The following GRID2 variants were observed in gnomAD, a reference collection of about 807,000 sequenced individuals.
The protein encoded by GRID2 is glutamate receptor ionotropic, delta-2.
Under a neutral mutation model 114.8 loss-of-function variants are expected in GRID2, and 33 were observed. The ratio of observed to expected loss-of-function variants is 0.29; its 90% CI spans 0.22 to 0.38. The LOEUF (loss-of-function observed/expected upper bound fraction) is 0.38. Ranked by LOEUF, GRID2 falls within the 10% of genes least tolerant of loss-of-function variation. The pLI is 1.00. For synonymous variants in GRID2, 505 were observed against 449.9 expected, an observed-to-expected ratio of 1.12 and a Z score of -1.55; for missense variants, 1,184 against 1,257.7, an observed-to-expected ratio of 0.94 and a Z score of 0.89.
At chr4:92,513,579 C>A (rs1367368973) in intron 1 of GRID2, among the ~76,000 whole-genome samples, 1 of 151,788 alleles carries the variant, frequency 6.6e-6, no homozygotes, top group East Asian at 1.9e-4. Flanking sequence ...AATATCATAG[C>A]ACAATGTAGC....
chr4:92,617,041 ATT>A (rs1730035524), intron 2 of GRID2, among the ~76,000 whole-genome samples: 1 of 151,382 alleles, frequency 6.6e-6, no homozygotes, highest in Non-Finnish European at 1.5e-5. Flanking sequence ...TCAAAACTTT[ATT>A]ATTTGTTTAT....
intron 8 of GRID2, among the ~76,000 whole-genome samples, chr4:93,303,175 A>C (rs1169780936): frequency 6.6e-6 from 1 of 152,094 alleles, no homozygotes; most frequent in Non-Finnish European, 1.5e-5. Context: ...GCAAGGGAGA[A>C]ATCCACCCCT....
chr4:93,038,441 A>C (rs1725137651), intron 2 of GRID2, among the ~76,000 whole-genome samples: 1 of 152,172 alleles, frequency 6.6e-6, no homozygotes, highest in Non-Finnish European at 1.5e-5. Flanking sequence ...GAGAAAAGCA[A>C]ATCAAAACCA....
At chr4:92,868,374 T>G (rs1166677443) in intron 2 of GRID2, among the ~76,000 whole-genome samples, 2 of 152,056 alleles carry the variant, frequency 1.3e-5, no homozygotes, top group Non-Finnish European at 2.9e-5. Flanking sequence ...TATTAAGCCT[T>G]AGGAGATTTG....
intron 2 of GRID2, chr4:92,702,793 A>G (rs2149302599): frequency 6.6e-6 from 1 of 152,204 alleles, no homozygotes; most frequent in East Asian, 1.9e-4. Context: ...TATTATAGGT[A>G]GGTCACTAGC....
At chr4:92,357,202 A>G (rs1728370487) in intron 1 of GRID2, among the ~76,000 whole-genome samples, 1 of 151,886 alleles carries the variant, frequency 6.6e-6, no homozygotes, top group African/African-American at 2.4e-5. Flanking sequence ...GTAAATGGTA[A>G]GTGCCTGGGA....
chr4:93,645,764 C>T (rs1722053996), intron 14 of GRID2, among the ~76,000 whole-genome samples: 2 of 152,220 alleles, frequency 1.3e-5, no homozygotes, highest in East Asian at 3.9e-4. Context: ...TTTTATCTTC[C>T]CTGTACCACT....
chr4:93,555,941 T>C (rs1734277229), intron 13 of GRID2, among the ~76,000 whole-genome samples: 1 of 152,110 alleles, frequency 6.6e-6, no homozygotes, highest in Non-Finnish European at 1.5e-5. Flanking sequence ...TTCTGCAGCC[T>C]CCACTGGTGA....
rs188418163 is a variant in GRID2 at position 93,022,751 on chromosome 4, T to C, written c.245-62244T>C. On this transcript the variant is annotated intron_variant, in intron 2 of 15. Transcript: ENST00000282020. ...AGTCATTTATTTCCTGTTTGTGAACTACTAAAGTATTATGCTCATTTTTTC... is the reference window on the plus strand; with the variant it reads ...AGTCATTTATTTCCTGTTTGTGAACCACTAAAGTATTATGCTCATTTTTTC... Among the ~76,000 whole-genome samples, 24 of 152,122 alleles carry C rather than the reference T, an allele frequency of 1.6e-4. 2 individuals are homozygous for C. The East Asian group carries it at 4.6e-3, about 29-fold the overall frequency.
chr4:93,658,101 T>C (rs1723174032), intron 14 of GRID2, among the ~76,000 whole-genome samples: 1 of 152,214 alleles, frequency 6.6e-6, no homozygotes, highest in Non-Finnish European at 1.5e-5. Flanking sequence ...CAAGGTTTTA[T>C]GTTTGCCACT....
At chr4:92,967,873 C>T (rs961130442) in intron 2 of GRID2, among the ~76,000 whole-genome samples, 4 of 151,772 alleles carry the variant, frequency 2.6e-5, no homozygotes, top group Non-Finnish European at 4.4e-5. Flanking sequence ...CCCTCCACTC[C>T]GAAGTAATCT....
chr4:92,670,061 G>C (rs377742218), intron 2 of GRID2, among the ~76,000 whole-genome samples: 1 of 151,896 alleles, frequency 6.6e-6, no homozygotes, highest in Non-Finnish European at 1.5e-5. Context: ...CTTCATTCTC[G>C]CTACTGTAAA....
intron 14 of GRID2, among the ~76,000 whole-genome samples, chr4:93,664,816 G>C (rs1182454490): frequency 6.6e-6 from 1 of 152,114 alleles, no homozygotes; most frequent in Non-Finnish European, 1.5e-5. Context: ...GTATTATGAG[G>C]ATGATAGAAC....
intron 11 of GRID2, among the ~76,000 whole-genome samples, chr4:93,489,208 TA>T (rs1319662113): frequency 5.9e-5 from 9 of 151,946 alleles, no homozygotes; most frequent in African/African-American, 2.2e-4. Flanking sequence ...AAGATTGTTA[TA>T]AAAAGATATC....
chr4:93,460,681 T>G (rs1723653667), intron 11 of GRID2, among the ~76,000 whole-genome samples: 1 of 152,204 alleles, frequency 6.6e-6, no homozygotes. Context: ...TTGTACATGT[T>G]AGGCATTTAA....
chr4:93,799,931 A>G (rs1056782585), intron 1 of GRID2, among the ~76,000 whole-genome samples: 2 of 152,242 alleles, frequency 1.3e-5, no homozygotes, highest in African/African-American at 2.4e-5. Context: ...TATTTTATTC[A>G]TGAATCAAAT....
intron 2 of GRID2, among the ~76,000 whole-genome samples, chr4:92,877,191 T>C (rs1396973651): frequency 6.6e-6 from 1 of 152,214 alleles, no homozygotes; most frequent in African/African-American, 2.4e-5. Flanking sequence ...AAATTTTGCC[T>C]TCTTATTCCT....
chr4:93,164,341 T>G (rs536974582), intron 4 of GRID2, among the ~76,000 whole-genome samples: 1 of 152,088 alleles, frequency 6.6e-6, no homozygotes, highest in South Asian at 2.1e-4. Context: ...CGGGCTAAAG[T>G]GAGTAAGGAT....
chr4:93,793,907 A>T (rs1237287379), intron 1 of GRID2, among the ~76,000 whole-genome samples: 2 of 152,230 alleles, frequency 1.3e-5, no homozygotes, highest in African/African-American at 4.8e-5. Context: ...AATGAGATTA[A>T]AAAGGGTGAA....
Sources: allele counts gnomAD v4.1 joint callset (sites outside exome capture counted in the v4.1 genomes callset), GRCh38; gene constraint gnomAD v4.1.1; transcripts MANE v1.5; gene names NCBI Gene and HGNC (gene_info 2026-07-23, HGNC 2026-07-21).